Variants in TMTC4 observed in about 807,000 individuals in gnomAD.
TMTC4 encodes the protein protein O-mannosyl-transferase TMTC4.
A neutral mutation model predicts 86.0 loss-of-function variants in TMTC4; 65 were observed. That is an observed-to-expected ratio of 0.76 (90% CI 0.62 to 0.93). The LOEUF is 0.93. Ranked by LOEUF, TMTC4 falls within the 40% of genes least tolerant of loss-of-function variation. TMTC4 has a pLI of 0.00. For synonymous variants in TMTC4, 379 were observed against 382.5 expected (o/e 0.99, Z 0.11); for missense variants, 866 against 948.1 (o/e 0.91, Z 1.14).
intron 1 of TMTC4, among the ~76,000 whole-genome samples, chr13:100,672,761 G>C (rs1370242893): frequency 3.9e-5 from 6 of 152,088 alleles, no homozygotes; most frequent in Non-Finnish European, 8.8e-5. Context: ...CAAAGCATGG[G>C]GATTACAGGT....
At chr13:100,639,939 G>A (rs961336659) in intron 7 of TMTC4, among the ~76,000 whole-genome samples, 11 of 149,688 alleles carry the variant, frequency 7.3e-5, no homozygotes, top group East Asian at 2.0e-4. Context: ...AAACCGTCTC[G>A]AATAAAAATA....
In TMTC4 at chr13:100,604,956, A is replaced by G. The variant is rs368138169; in HGVS notation, c.*38T>C. 6.3e-7 allele frequency: 1 copy of G among 1,598,374 alleles called. No individual in the cohort carries two copies. Among genetic ancestry groups the G allele is most frequent in the African/African-American group, 1.3e-5 (1 of 74,532 alleles). ...ATACTATTAATGATATGCCTCATGC[A>G]CACACACACTCAAACTCAAAACATG... On this transcript the variant is annotated 3_prime_UTR_variant, in exon 19 of 19. Transcript: ENST00000342624.
Position 100,664,525 on chromosome 13 carries a change from C to T in TMTC4, c.220-189G>A, listed in dbSNP as rs569006001. 8.7e-4 allele frequency among the ~76,000 whole-genome samples: 132 copies of T among 152,308 alleles called. 2 individuals carry two copies. The highest frequency in any genetic ancestry group is 3.9e-3 in the Admixed American group (59 of 15,298). ...CAGGCTTCAAACACCGATCAGCTTT[C>T]ACCCTCCTGGGACATAGCTGATATG... is the stretch of plus-strand genomic sequence containing the variant. On this transcript the variant is annotated intron_variant, in intron 3 of 18. Transcript: ENST00000342624.
At chr13:100,618,806 G>A (rs1878978947) in intron 15 of TMTC4, among the ~76,000 whole-genome samples, 1 of 152,210 alleles carries the variant, frequency 6.6e-6, no homozygotes. Context: ...AGGGTTGGGG[G>A]TAAGGTCACC....
chr13:100,652,609 T>G (rs1307973017), intron 6 of TMTC4, among the ~76,000 whole-genome samples: 1 of 152,190 alleles, frequency 6.6e-6, no homozygotes, highest in African/African-American at 2.4e-5. Flanking sequence ...CTCTGTTTTG[T>G]TGTACTGAAG....
chr13:100,649,403 G>A (rs887337313), intron 6 of TMTC4, among the ~76,000 whole-genome samples: 2 of 152,146 alleles, frequency 1.3e-5, no homozygotes, highest in Non-Finnish European at 2.9e-5. Context: ...GAGGAATTTA[G>A]ACTCTGTGCT....
At chr13:100,669,498 TATG>T (rs1325000289) in intron 2 of TMTC4, among the ~76,000 whole-genome samples, 2 of 152,244 alleles carry the variant, frequency 1.3e-5, no homozygotes, top group Non-Finnish European at 2.9e-5. Flanking sequence ...TGTGTGAGGA[TATG>T]ACCTTCAATC....
intron 15 of TMTC4, among the ~76,000 whole-genome samples, chr13:100,618,276 C>T (rs1464440381): frequency 2.0e-5 from 3 of 152,068 alleles, no homozygotes; most frequent in Non-Finnish European, 4.4e-5. Context: ...TCACACCGTC[C>T]ATGAAGAGAG....
intron 5 of TMTC4, among the ~76,000 whole-genome samples, chr13:100,659,363 G>C (rs1479702400): frequency 6.6e-6 from 1 of 152,178 alleles, no homozygotes; most frequent in East Asian, 1.9e-4. Flanking sequence ...AAACTCCTGG[G>C]CTTGGGCAGT....
At chr13:100,674,147 G>C in intron 1 of TMTC4, 1 of 982,376 alleles carries the variant, frequency 1.0e-6, no homozygotes. Flanking sequence ...GCCCACGCCG[G>C]GAAGCGGCGG....
intron 1 of TMTC4, among the ~76,000 whole-genome samples, chr13:100,672,533 C>G (rs893400483): frequency 6.6e-6 from 1 of 152,202 alleles, no homozygotes. Flanking sequence ...CTCTGCCACC[C>G]AGGCTGGAGT....
At chr13:100,632,051 A>ACTCTCTCT (rs1368407089) in intron 12 of TMTC4, among the ~76,000 whole-genome samples, 6 of 28,592 alleles carry the variant, frequency 2.1e-4, no homozygotes, top group East Asian at 2.3e-3. Flanking sequence ...ACACACACAC[A>ACTCTCTCT]CACTCTCTCT....
chr13:100,623,645 G>GTTTTTT (rs58766408), intron 15 of TMTC4, among the ~76,000 whole-genome samples: 9 of 113,306 alleles, frequency 7.9e-5, no homozygotes, highest in African/African-American at 1.0e-4. Context: ...GTTGGGTTTT[G>GTTTTTT]TTTTTTTTTT....
intron 16 of TMTC4, among the ~76,000 whole-genome samples, chr13:100,612,946 C>G (rs965941716): frequency 6.6e-6 from 1 of 152,168 alleles, no homozygotes; most frequent in African/African-American, 2.4e-5. Flanking sequence ...ACACCATGAT[C>G]AAATTAACAC....
intron 5 of TMTC4, among the ~76,000 whole-genome samples, chr13:100,658,000 C>T (rs1885313393): frequency 6.6e-6 from 1 of 152,152 alleles, no homozygotes; most frequent in Non-Finnish European, 1.5e-5. Context: ...CACACAAACA[C>T]TACCGAGAAG....
chr13:100,638,125 A>G, intron 7 of TMTC4, 103 bp from the exon 8 acceptor site: 1 of 815,696 alleles, frequency 1.2e-6, no homozygotes, highest in Non-Finnish European at 2.0e-6. Context: ...AGGAACACAT[A>G]GACTAGAGAA....
chr13:100,648,115 T>C (rs1390595826), intron 6 of TMTC4, among the ~76,000 whole-genome samples: 1 of 152,192 alleles, frequency 6.6e-6, no homozygotes. Flanking sequence ...TCAGCAATTA[T>C]TAAATATTAA....
In TMTC4 at chr13:100,619,328, G is replaced by GACACAC. The variant is rs34662519; in HGVS notation, c.1837-4904_1837-4899dup. Among the ~76,000 whole-genome samples the GACACAC allele has an allele frequency of 9.9e-3, 1,450 of 145,994 alleles. 31 individuals carry two copies. The highest frequency in any genetic ancestry group is 0.034 in the African/African-American group (1,329 of 39,438). ...TCAATTTGCATAGTTAATAAAAGCA[G>GACACAC]ACACACACACACACACACACACACA... On this transcript the variant is annotated intron_variant, in intron 15 of 18. Transcript: ENST00000342624.
intron 12 of TMTC4, among the ~76,000 whole-genome samples, chr13:100,630,071 G>A (rs949873428): frequency 6.6e-6 from 1 of 150,694 alleles, no homozygotes; most frequent in African/African-American, 2.4e-5. Context: ...GTGTGTATGT[G>A]TGTGTGTGTG....
Sources: allele counts gnomAD v4.1 joint callset (sites outside exome capture counted in the v4.1 genomes callset), GRCh38; gene constraint gnomAD v4.1.1; transcripts MANE v1.5; gene names NCBI Gene and HGNC (gene_info 2026-07-23, HGNC 2026-07-21).